TSPAN18: variants seen among roughly 807,000 people sequenced by gnomAD.
TSPAN18 encodes the protein tetraspanin-18.
In TSPAN18, 14 loss-of-function variants were observed where a neutral mutation model predicts 27.3. The ratio of observed to expected loss-of-function variants is 0.51; its 90% CI spans 0.34 to 0.80. The LOEUF is 0.80. Among genes scored for constraint, TSPAN18 ranks in the 30% least tolerant of loss-of-function variants. The pLI, the probability that TSPAN18 is intolerant of heterozygous loss-of-function variation, is 0.01. For synonymous variants in TSPAN18, 143 were observed against 136.5 expected (o/e 1.05, Z -0.33); for missense variants, 268 against 323.9 (o/e 0.83, Z 1.32).
Position 44,909,765 on chromosome 11 carries a change from C to T in TSPAN18, c.124C>T (p.Arg42Trp), listed in dbSNP as rs770764881. 1.6e-5 allele frequency: 26 copies of T among 1,613,822 alleles called. No individual in the cohort carries two copies. The highest frequency in any genetic ancestry group is 1.5e-4 in the South Asian group (14 of 91,076). ...GGTCATGGTGGACCCCACCGGCTTC[C>T]GGGAGATCGTGGCTGCCAATCCTCT... ...IWVMVDPTGF[R>W]EIVAANPLLL... The change falls in exon 5 of 10, where the codon CGG (arginine) becomes TGG (tryptophan). Residue 42 changes from arginine (R) to tryptophan (W), a missense_variant. Arg to Trp is a moderately radical substitution (Grantham distance 101, BLOSUM62 -3). Coordinates refer to ENST00000520358, the MANE Select transcript of TSPAN18 (RefSeq NM_130783.5).
chr11:44,758,414 G>A (rs1408868063), intron 1 of TSPAN18, among the ~76,000 whole-genome samples: 1 of 152,142 alleles, frequency 6.6e-6, no homozygotes, highest in Non-Finnish European at 1.5e-5. Flanking sequence ...TGGTCATGGT[G>A]TATAATCCTT....
In TSPAN18 at chr11:44,931,251, GC is replaced by G. The variant is rs1427933135; in HGVS notation, c.*2077del. 1 of 291,724 alleles carries G rather than the reference GC, an allele frequency of 3.4e-6. No individual in the cohort carries two copies. Among genetic ancestry groups the G allele is most frequent in the African/African-American group, 2.2e-5 (1 of 45,238 alleles). 18.1% of individuals were successfully genotyped at this position (291,724 alleles called of 1,614,324 possible). ...CGGCCCAGCCTGGGGCCTGGGGGCT[GC>G]CCCTCTTGAACCACCCACATGCTTA... On this transcript the variant is annotated 3_prime_UTR_variant, in exon 10 of 10. Transcript: ENST00000520358.
intron 3 of TSPAN18, among the ~76,000 whole-genome samples, chr11:44,899,369 C>T (rs768215542): frequency 6.6e-6 from 1 of 152,186 alleles, no homozygotes; most frequent in African/African-American, 2.4e-5. Context: ...TGAGTCAGCC[C>T]ATGGTGAGAG....
chr11:44,789,611 G>C, intron 2 of TSPAN18, among the ~76,000 whole-genome samples: 1 of 152,204 alleles, frequency 6.6e-6, no homozygotes, highest in Middle Eastern at 3.4e-3. Flanking sequence ...AGGGAGGTGA[G>C]CTCTTGAGGA....
intron 3 of TSPAN18, among the ~76,000 whole-genome samples, chr11:44,865,040 G>A (rs1396828954): frequency 6.6e-6 from 1 of 152,236 alleles, no homozygotes; most frequent in Non-Finnish European, 1.5e-5. Flanking sequence ...GGGGTGGTTG[G>A]ACATACCAAT....
chr11:44,912,673 G>A (rs1859764148), intron 5 of TSPAN18, among the ~76,000 whole-genome samples: 1 of 152,172 alleles, frequency 6.6e-6, no homozygotes, highest in Non-Finnish European at 1.5e-5. Context: ...CAGTGTGTAT[G>A]TGCACGTGTG....
chr11:44,778,262 T>C (rs1055536417), intron 2 of TSPAN18, among the ~76,000 whole-genome samples: 2 of 152,112 alleles, frequency 1.3e-5, no homozygotes, highest in African/African-American at 4.8e-5. Context: ...AGGGCCTGAG[T>C]TGGCAAATAG....
At chr11:44,918,136 T>A (rs1414697220) in intron 6 of TSPAN18, 90 bp downstream of exon 6, 1 of 1,328,066 alleles carries the variant, frequency 7.5e-7, no homozygotes, top group East Asian at 2.3e-5. Flanking sequence ...CCTTGAAGGG[T>A]CTCAGAGAGT....
At chr11:44,884,000 T>G (rs1858566831) in intron 3 of TSPAN18, among the ~76,000 whole-genome samples, 1 of 152,244 alleles carries the variant, frequency 6.6e-6, no homozygotes, top group Non-Finnish European at 1.5e-5. Flanking sequence ...GTATTAACTC[T>G]TATTGCCATC....
chr11:44,863,242 G>A (rs1477089618), intron 3 of TSPAN18, among the ~76,000 whole-genome samples: 4 of 152,224 alleles, frequency 2.6e-5, no homozygotes, highest in African/African-American at 9.6e-5. Flanking sequence ...CATTCGGGAG[G>A]AAGACACAGT....
In TSPAN18 at chr11:44,930,398, C is replaced by T. The variant is rs1490758672; in HGVS notation, c.*1220C>T. ...GTTTCTGTTTTTCTGTGGCTCTGTC[C>T]ATGGCATCCCACTTGCCCACTCTCC... On this transcript the variant is annotated 3_prime_UTR_variant, in exon 10 of 10. Coordinates refer to ENST00000520358, the MANE Select transcript of TSPAN18 (RefSeq NM_130783.5). 1.7e-5 allele frequency: 3 copies of T among 171,646 alleles called. No individual in the cohort carries two copies. Among genetic ancestry groups the T allele is most frequent in the African/African-American group, 4.8e-5 (2 of 41,710 alleles). The allele number at this position is 171,646 out of a possible 1,614,324, so 10.6% of individuals were successfully genotyped here. A position where few individuals can be genotyped will look rare whatever the true frequency, so the allele number is the denominator to read the frequency against.
chr11:44,834,704 C>T (rs1210671855), intron 2 of TSPAN18, among the ~76,000 whole-genome samples: 3 of 152,060 alleles, frequency 2.0e-5, no homozygotes, highest in South Asian at 2.1e-4. Flanking sequence ...TCTCTGACCT[C>T]GATGTCTTTA....
chr11:44,732,099 G>A (rs750582470), intron 1 of TSPAN18, among the ~76,000 whole-genome samples: 8 of 152,356 alleles, frequency 5.3e-5, no homozygotes, highest in Admixed American at 1.3e-4. Flanking sequence ...CTCCAAGGAC[G>A]TGGGCTGGGC....
intron 2 of TSPAN18, among the ~76,000 whole-genome samples, chr11:44,837,131 T>C (rs1857280216): frequency 6.6e-6 from 1 of 152,240 alleles, no homozygotes; most frequent in African/African-American, 2.4e-5. Context: ...CTCTGATGGA[T>C]CTGGGCAAAG....
chr11:44,728,947 C>T (rs992277021), intron 1 of TSPAN18, among the ~76,000 whole-genome samples: 1 of 152,226 alleles, frequency 6.6e-6, no homozygotes, highest in Non-Finnish European at 1.5e-5. Context: ...AAGTTTTCAT[C>T]TTTCTCTTAG....
chr11:44,839,699 C>T (rs898918325), intron 2 of TSPAN18, among the ~76,000 whole-genome samples: 1 of 152,140 alleles, frequency 6.6e-6, no homozygotes, highest in Non-Finnish European at 1.5e-5. Context: ...TTAAGACAGG[C>T]ACCATCACTG....
At chr11:44,761,297 C>T (rs779918315) in intron 1 of TSPAN18, among the ~76,000 whole-genome samples, 10 of 152,298 alleles carry the variant, frequency 6.6e-5, no homozygotes, top group Non-Finnish European at 2.9e-5. Flanking sequence ...ACCCAGGACC[C>T]GTTCCTGCTC....
rs55970649 is a variant in TSPAN18 at position 44,814,689 on chromosome 11, C to CCATCCATCCATCCAT, written c.-152-45638_-152-45637insATCCATCCATCCATC. Among the ~76,000 whole-genome samples, 28 of 144,472 alleles carry CCATCCATCCATCCAT rather than the reference C, an allele frequency of 1.9e-4. 1 individual carries two copies. The highest frequency in any genetic ancestry group is 1.7e-3 in the East Asian group (8 of 4,790). 94.8% of individuals were successfully genotyped at this position (144,472 alleles called of 152,430 possible). A position where few individuals can be genotyped will look rare whatever the true frequency, so the allele number is the denominator to read the frequency against. The stretch of plus-strand genomic sequence containing the variant: ...ATCCATCCATCCATCCATCCATCCA[C>CCATCCATCCATCCAT]CCACCCACCCACTCATTCATCAATG... On this transcript the variant is annotated intron_variant, in intron 2 of 9. Transcript: ENST00000520358.
At chr11:44,756,331 G>A (rs952495794) in intron 1 of TSPAN18, among the ~76,000 whole-genome samples, 1 of 151,980 alleles carries the variant, frequency 6.6e-6, no homozygotes, top group Non-Finnish European at 1.5e-5. Context: ...GGGAGGGAAG[G>A]GTTCCCAGGA....
Sources: gnomAD v4.1 joint callset for allele counts (sites outside exome capture counted in the v4.1 genomes callset) on GRCh38, gnomAD v4.1.1 for gene constraint, MANE v1.5 for transcripts, NCBI Gene and HGNC (gene_info 2026-07-23, HGNC 2026-07-21) for gene names.